The following TNFRSF11A variants were observed in gnomAD, a reference collection of about 807,000 sequenced individuals.
TNFRSF11A encodes TNF receptor superfamily member 11a.
TNFRSF11A carries 32 observed loss-of-function variants against 55.7 expected under a neutral mutation model. The ratio of observed to expected loss-of-function variants is 0.57; its 90% CI spans 0.43 to 0.77. The LOEUF is 0.77. Ranked by LOEUF, TNFRSF11A falls within the 30% of genes least tolerant of loss-of-function variation. The pLI is 0.00. For missense variants in TNFRSF11A, 753 were observed against 809.8 expected (o/e 0.93, Z 0.85); for synonymous variants, 311 against 331.0 (o/e 0.94, Z 0.65).
chr18:62,361,654 A>T (rs372839394), intron 6 of TNFRSF11A, 26 bp from the exon 7 acceptor site: 1 of 1,578,866 alleles, frequency 6.3e-7, no homozygotes, highest in South Asian at 1.1e-5. Context: ...CTTTACTACC[A>T]TATTTCTCAT....
intron 9 of TNFRSF11A, among the ~76,000 whole-genome samples, chr18:62,372,661 C>A (rs1910632943): frequency 6.6e-6 from 1 of 152,164 alleles, no homozygotes; most frequent in East Asian, 1.9e-4. Context: ...CTCTCCCTCT[C>A]TCCCCTGCCT....
chr18:62,361,589 A>C, intron 6 of TNFRSF11A, 91 bp from the exon 7 acceptor site: 1 of 1,284,964 alleles, frequency 7.8e-7, no homozygotes, highest in Non-Finnish European at 1.1e-6. Flanking sequence ...AACATTTTTG[A>C]TTCTGAGGTT....
chr18:62,372,671 T>C (rs1910633920), intron 9 of TNFRSF11A, among the ~76,000 whole-genome samples: 1 of 152,160 alleles, frequency 6.6e-6, no homozygotes, highest in African/African-American at 2.4e-5. Context: ...CTCCCCTGCC[T>C]AGTTAGAAGT....
chr18:62,353,127 T>G (rs1397873949), intron 3 of TNFRSF11A, among the ~76,000 whole-genome samples: 1 of 152,166 alleles, frequency 6.6e-6, no homozygotes, highest in East Asian at 1.9e-4. Context: ...AACACTGAAT[T>G]AGCAAATCCT....
In TNFRSF11A at chr18:62,348,517, G is replaced by A. The variant is rs3826619; in HGVS notation, c.157+268G>A. ...ACAATTTTCCAAAACACTATTTCTC[G>A]AGATGGCAAGAAGTTTTTAAAAACT... On this transcript the variant is annotated intron_variant, in intron 2 of 9. Coordinates refer to ENST00000586569, the MANE Select transcript of TNFRSF11A (RefSeq NM_003839.4). Among the ~76,000 whole-genome samples the A allele has an allele frequency of 0.1, 15,740 of 152,144 alleles. 1,146 individuals are homozygous for A. The highest frequency in any genetic ancestry group is 0.3 in the East Asian group (1,579 of 5,178).
At chr18:62,358,173 C>T (rs1476628490) in intron 4 of TNFRSF11A, 75 bp from the exon 5 acceptor site, 2 of 1,441,120 alleles carry the variant, frequency 1.4e-6, no homozygotes, top group African/African-American at 2.8e-5. Flanking sequence ...GAGTCCCAGC[C>T]TGGATGATCT....
chr18:62,345,272 A>G (rs1012232818), intron 1 of TNFRSF11A, among the ~76,000 whole-genome samples: 4 of 152,184 alleles, frequency 2.6e-5, no homozygotes, highest in Non-Finnish European at 5.9e-5. Context: ...GAAAAGGGGC[A>G]ATAAAGGCAT....
Position 62,384,993 on chromosome 18 carries a change from G to A in TNFRSF11A, c.1810G>A (p.Ala604Thr). The A allele has an allele frequency of 6.8e-7, 1 of 1,472,178 alleles. No individual in the cohort carries two copies. The highest frequency in any genetic ancestry group is 8.9e-7 in the Non-Finnish European group (1 of 1,122,186). The allele number at this position is 1,472,178 out of a possible 1,614,324, so 91.2% of individuals were successfully genotyped here. A position where few individuals can be genotyped will look rare whatever the true frequency, so the allele number is the denominator to read the frequency against. The change falls in exon 10 of 10, where the codon GCC becomes ACC. Residue 604 changes from alanine to threonine, a missense_variant. Ala to Thr is a moderately conservative substitution (Grantham distance 58, BLOSUM62 0). Coordinates refer to ENST00000586569, the MANE Select transcript of TNFRSF11A (RefSeq NM_003839.4). ...CGAGGGGCTGCGGGAGCCGGAGAAG[G>A]CCTCGAGGCCGGTGCAGGAGCAAGG... ...GPEGLREPEK[A>T]SRPVQEQGGA...
intron 1 of TNFRSF11A, among the ~76,000 whole-genome samples, chr18:62,338,127 T>A (rs2046260638): frequency 6.6e-6 from 1 of 152,104 alleles, no homozygotes; most frequent in Non-Finnish European, 1.5e-5. Context: ...CTCACACACA[T>A]CAGGATGGCT....
chr18:62,347,459 A>G (rs1186281100), intron 1 of TNFRSF11A, among the ~76,000 whole-genome samples: 1 of 152,232 alleles, frequency 6.6e-6, no homozygotes, highest in Non-Finnish European at 1.5e-5. Context: ...TATTTGTCTT[A>G]GAATCATACC....
chr18:62,363,018 A>T (rs894670566), intron 7 of TNFRSF11A, among the ~76,000 whole-genome samples: 3 of 151,532 alleles, frequency 2.0e-5, no homozygotes, highest in South Asian at 2.1e-4. Context: ...TAATTTTTGT[A>T]TTTTTAGTAG....
intron 9 of TNFRSF11A, among the ~76,000 whole-genome samples, chr18:62,371,383 A>G (rs891686050): frequency 1.3e-5 from 2 of 152,210 alleles, no homozygotes; most frequent in African/African-American, 4.8e-5. Context: ...AGACACATGG[A>G]TCTTTTAATG....
intron 1 of TNFRSF11A, among the ~76,000 whole-genome samples, chr18:62,343,289 G>A (rs534097324): frequency 4.1e-4 from 62 of 152,260 alleles, no homozygotes; most frequent in Admixed American, 8.5e-4. Context: ...TTTTCGTCTC[G>A]ATTTGACAAG....
intron 5 of TNFRSF11A, 88 bp from the exon 6 acceptor site, chr18:62,359,867 C>G: frequency 8.3e-7 from 1 of 1,197,658 alleles, no homozygotes; most frequent in Non-Finnish European, 1.2e-6. Flanking sequence ...CCTGAAGGAG[C>G]TGGCAATCTG....
At chr18:62,349,703 A>G (rs569682927) in intron 2 of TNFRSF11A, 109 bp from the exon 3 acceptor site, 73 of 1,290,312 alleles carry the variant, frequency 5.7e-5, no homozygotes, top group South Asian at 5.3e-4. Context: ...ATGGGCACCA[A>G]TGATTATTGG....
At chr18:62,337,032 T>A (rs1457835180) in intron 1 of TNFRSF11A, among the ~76,000 whole-genome samples, 3 of 152,198 alleles carry the variant, frequency 2.0e-5, no homozygotes, top group Non-Finnish European at 4.4e-5. Flanking sequence ...GGGGAAATGC[T>A]GATGGGCCCA....
intron 1 of TNFRSF11A, among the ~76,000 whole-genome samples, chr18:62,344,034 C>A (rs995909459): frequency 6.6e-6 from 1 of 152,160 alleles, no homozygotes; most frequent in Non-Finnish European, 1.5e-5. Context: ...GCAACCTGAT[C>A]CCAGCCAGCC....
intron 1 of TNFRSF11A, chr18:62,336,600 A>T (rs1444642630): frequency 6.6e-6 from 1 of 152,214 alleles, no homozygotes; most frequent in Non-Finnish European, 1.5e-5. Context: ...AAAAAAACAA[A>T]CCCCAAGAAT....
chr18:62,344,426 G>A (rs1233170190), intron 1 of TNFRSF11A, among the ~76,000 whole-genome samples: 1 of 152,186 alleles, frequency 6.6e-6, no homozygotes, highest in Non-Finnish European at 1.5e-5. Flanking sequence ...GGGAAAAAGA[G>A]GCAACTGTAA....
Sources: allele counts gnomAD v4.1 joint callset (sites outside exome capture counted in the v4.1 genomes callset), GRCh38; gene constraint gnomAD v4.1.1; transcripts MANE v1.5; gene names NCBI Gene and HGNC (gene_info 2026-07-23, HGNC 2026-07-21).